PACRG: variants seen among roughly 807,000 people sequenced by gnomAD.
The protein encoded by PACRG is parkin coregulated gene protein.
PACRG carries 29 observed loss-of-function variants against 29.7 expected under a neutral mutation model. That is an observed-to-expected ratio of 0.98 (90% confidence interval 0.73 to 1.33). The LOEUF is 1.33. Ranked by LOEUF, PACRG falls within the 40% of genes most tolerant of loss-of-function variation. PACRG has a pLI of 0.00. For synonymous variants in PACRG, 116 were observed against 118.7 expected, an observed-to-expected ratio of 0.98 and a Z score of 0.15; for missense variants, 279 against 316.2, an observed-to-expected ratio of 0.88 and a Z score of 0.89.
chr6:163,288,259 C>T (rs1784466376), intron 4 of PACRG, among the ~76,000 whole-genome samples: 1 of 152,164 alleles, frequency 6.6e-6, no homozygotes, highest in South Asian at 2.1e-4. Flanking sequence ...GAATTTTAAA[C>T]CTGACAGTGG....
At chr6:163,253,267 T>G (rs970601517) in intron 4 of PACRG, among the ~76,000 whole-genome samples, 3 of 136,496 alleles carry the variant, frequency 2.2e-5, no homozygotes, top group Non-Finnish European at 3.0e-5. Flanking sequence ...ACCACTGCAC[T>G]CCAGCGTGGG....
chr6:163,094,622 T>A (rs576154873), intron 4 of PACRG, among the ~76,000 whole-genome samples: 13 of 152,288 alleles, frequency 8.5e-5, no homozygotes, highest in Middle Eastern at 3.4e-3. Flanking sequence ...TCTTTCCTTT[T>A]CTTATATAGA....
At chr6:162,834,581 A>G (rs765572329) in intron 2 of PACRG, among the ~76,000 whole-genome samples, 25 of 151,638 alleles carry the variant, frequency 1.6e-4, no homozygotes, top group Non-Finnish European at 2.8e-4. Context: ...TCCTTATTAA[A>G]ACTTGGAATT....
chr6:162,727,698 A>AGGAACAGGCCC, upstream of PACRG: 1 of 1,566,210 alleles, frequency 6.4e-7, no homozygotes, highest in Non-Finnish European at 8.6e-7. Context: ...GCTGCGGGCC[A>AGGAACAGGCCC]GGAACAGGCC....
intron 2 of PACRG, among the ~76,000 whole-genome samples, chr6:162,898,608 G>T (rs1451889345): frequency 6.6e-6 from 1 of 152,138 alleles, no homozygotes; most frequent in African/African-American, 2.4e-5. Context: ...TGGGCAAGTT[G>T]CTTAATCTCT....
At chr6:163,004,214 A>C (rs1562822390) in intron 2 of PACRG, among the ~76,000 whole-genome samples, 1 of 150,416 alleles carries the variant, frequency 6.6e-6, no homozygotes, top group African/African-American at 2.4e-5. Context: ...TATATACAGA[A>C]TATTAGCTAT....
intron 2 of PACRG, among the ~76,000 whole-genome samples, chr6:162,960,275 T>C (rs533821703): frequency 6.4e-4 from 98 of 152,206 alleles, no homozygotes; most frequent in Non-Finnish European, 1.3e-3. Flanking sequence ...GAAAGGAAAA[T>C]AGATTATTAT....
At chr6:163,250,883 GTATATATATATATA>G (rs368878258) in intron 4 of PACRG, among the ~76,000 whole-genome samples, 4 of 138,096 alleles carry the variant, frequency 2.9e-5, no homozygotes, top group African/African-American at 1.1e-4. Flanking sequence ...AGAAATTGTT[GTATATATATATATA>G]TATATATATA....
chr6:163,001,587 C>T (rs1804595486), intron 2 of PACRG, among the ~76,000 whole-genome samples: 1 of 152,146 alleles, frequency 6.6e-6, no homozygotes, highest in South Asian at 2.1e-4. Flanking sequence ...CTATCTTGTA[C>T]ACTGGAAATA....
intron 2 of PACRG, among the ~76,000 whole-genome samples, chr6:162,954,042 A>G (rs1475155833): frequency 2.0e-5 from 3 of 152,186 alleles, no homozygotes; most frequent in Non-Finnish European, 4.4e-5. Context: ...TTTATTTGCT[A>G]ATTGAGTAGT....
chr6:163,265,423 C>T (rs996906260), intron 4 of PACRG, among the ~76,000 whole-genome samples: 8 of 152,096 alleles, frequency 5.3e-5, no homozygotes, highest in East Asian at 3.9e-4. Flanking sequence ...TCTTCGGGCC[C>T]GTGGGTATTT....
At chr6:163,100,953 A>G (rs1192268607) in intron 4 of PACRG, 1 of 985,110 alleles carries the variant, frequency 1.0e-6, no homozygotes, top group Non-Finnish European at 1.2e-6. Context: ...TAAAGATGGC[A>G]ACGTAATTAT....
chr6:163,252,996 T>C, intron 4 of PACRG, among the ~76,000 whole-genome samples: 1 of 152,228 alleles, frequency 6.6e-6, no homozygotes, highest in East Asian at 1.9e-4. Context: ...AATAAGATGC[T>C]AAAGAAATCA....
At chr6:163,278,281 G>A (rs1784117852) in intron 4 of PACRG, among the ~76,000 whole-genome samples, 1 of 152,190 alleles carries the variant, frequency 6.6e-6, no homozygotes, top group Admixed American at 6.5e-5. Context: ...CTCTCACTCT[G>A]TGGGTTGTCT....
At chr6:163,282,680 C>G (rs1562357490) in intron 4 of PACRG, among the ~76,000 whole-genome samples, 2 of 150,640 alleles carry the variant, frequency 1.3e-5, no homozygotes, top group Admixed American at 6.6e-5. Context: ...CCACTGCACT[C>G]CAGCATGGGC....
chr6:163,026,407 T>G (rs968287476), intron 2 of PACRG, among the ~76,000 whole-genome samples: 1 of 152,248 alleles, frequency 6.6e-6, no homozygotes, highest in Non-Finnish European at 1.5e-5. Flanking sequence ...TTTCTAATTA[T>G]TAAATTGCTT....
intron 1 of PACRG, among the ~76,000 whole-genome samples, chr6:162,793,078 C>A (rs4495257): frequency 0.22 from 32,897 of 152,002 alleles, 4,325 homozygotes; most frequent in African/African-American, 0.34. Context: ...GGCACGAGAG[C>A]TCCCTTAAGA....
chr6:163,146,300 T>C (rs907065283), intron 4 of PACRG, among the ~76,000 whole-genome samples: 6 of 152,218 alleles, frequency 3.9e-5, no homozygotes, highest in African/African-American at 1.4e-4. Context: ...GGAGATACTT[T>C]CATTCCTAGC....
chr6:163,050,286 T>A (rs1463032615), intron 2 of PACRG, among the ~76,000 whole-genome samples: 1 of 152,150 alleles, frequency 6.6e-6, no homozygotes, highest in Admixed American at 6.5e-5. Context: ...TTAATATGCT[T>A]AATTATTTGA....
Sources: gnomAD v4.1 joint callset for allele counts (sites outside exome capture counted in the v4.1 genomes callset) on GRCh38, gnomAD v4.1.1 for gene constraint, MANE v1.5 for transcripts, NCBI Gene and HGNC (gene_info 2026-07-23, HGNC 2026-07-21) for gene names.